The following RAB7B variants were observed in gnomAD, a reference collection of about 807,000 sequenced individuals.
RAB7B encodes RAB7B, member RAS oncogene family, also known as ras-related protein Rab-7b.
In RAB7B at chr1:205,976,903, G is replaced by A. The variant is rs1357992957; in HGVS notation, c.*1948C>T. 6.6e-6 allele frequency: 1 copy of A among 152,154 alleles called. No individual in the cohort carries two copies. Among genetic ancestry groups the A allele is most frequent in the Non-Finnish European group, 1.5e-5 (1 of 68,028 alleles). The allele number at this position is 152,154 out of a possible 1,614,324, so 9.4% of individuals were successfully genotyped here. A position where few individuals can be genotyped will look rare whatever the true frequency, so the allele number is the denominator to read the frequency against. On this transcript the variant is annotated 3_prime_UTR_variant, in exon 6 of 6. Coordinates refer to ENST00000617070, the MANE Select transcript of RAB7B (RefSeq NM_001164522.3). ...ATATGCAAAATGCCATTCCCATGAG[G>A]GCGCATCATGTTTCCCAGGAGCTCT...
chr1:205,985,952 A>G (rs1476269982), intron 4 of RAB7B, among the ~76,000 whole-genome samples: 1 of 152,082 alleles, frequency 6.6e-6, no homozygotes, highest in Non-Finnish European at 1.5e-5. Context: ...AGGCCTGGAG[A>G]AAAAAAACTT....
At chr1:206,003,103 G>A (rs1411563807) in intron 1 of RAB7B, 150 bp downstream of exon 1, 11 of 152,236 alleles carry the variant, frequency 7.2e-5, no homozygotes, top group Non-Finnish European at 1.3e-4. Context: ...CCAGGGTGGG[G>A]TCTTAGGGCT....
intron 4 of RAB7B, among the ~76,000 whole-genome samples, chr1:205,990,717 G>A (rs887498497): frequency 2.4e-4 from 36 of 152,104 alleles, no homozygotes; most frequent in African/African-American, 8.0e-4. Flanking sequence ...AGGACCCACA[G>A]GAGTGACCCA....
chr1:205,991,325 A>G lies in RAB7B; in HGVS notation c.396+1155T>C, dbSNP rs1278290886. Among the ~76,000 whole-genome samples the G allele has an allele frequency of 2.0e-5, 3 of 152,264 alleles. No individual in the cohort carries two copies. The East Asian group carries it at 5.8e-4, about 29-fold the overall frequency. On this transcript the variant is annotated intron_variant, in intron 4 of 5. Coordinates refer to ENST00000617070, the MANE Select transcript of RAB7B (RefSeq NM_001164522.3). Reference sequence around the variant, plus strand: ...CACCTTGCCTTTGAATGAACTTAGGACTTTGCTTATTATCTGAGGCTGGAT... The same window carrying G: ...CACCTTGCCTTTGAATGAACTTAGGGCTTTGCTTATTATCTGAGGCTGGAT...
chr1:205,996,752 G>A (rs1660817889), intron 1 of RAB7B, among the ~76,000 whole-genome samples: 1 of 152,166 alleles, frequency 6.6e-6, no homozygotes, highest in African/African-American at 2.4e-5. Context: ...CGCATGGCTG[G>A]GGAGGCCTCA....
chr1:205,991,243 C>T (rs1036541904), intron 4 of RAB7B, among the ~76,000 whole-genome samples: 7 of 152,212 alleles, frequency 4.6e-5, no homozygotes, highest in Admixed American at 2.6e-4. Context: ...CCTATTCCCT[C>T]TCTTAGACCA....
chr1:205,988,515 G>T (rs996796809), intron 4 of RAB7B, among the ~76,000 whole-genome samples: 1 of 152,202 alleles, frequency 6.6e-6, no homozygotes, highest in Admixed American at 6.5e-5. Flanking sequence ...GATTACAGGC[G>T]TGAGCCACTG....
rs2102633803 is a variant in RAB7B at position 205,985,612 on chromosome 1, A to G, written c.450T>C (p.Phe150=). The G allele has an allele frequency of 2.5e-6, 1 of 399,156 alleles. No homozygotes were observed. The highest frequency in any genetic ancestry group is 4.4e-5 in the Admixed American group (1 of 22,756). The allele number at this position is 399,156 out of a possible 1,614,324, so 24.7% of individuals were successfully genotyped here. A position where few individuals can be genotyped will look rare whatever the true frequency, so the allele number is the denominator to read the frequency against. Residue 150 remains phenylalanine (F), a synonymous_variant, in exon 5 of 6, where the codon TTT becomes TTC. Coordinates refer to ENST00000617070, the MANE Select transcript of RAB7B (RefSeq NM_001164522.3). Reference sequence around the variant, plus strand: ...TGATGTCATTCTTGGCACTGACTTCAAAGTAAGGAATATCTTTCTCTCTAC... The same window carrying G: ...TGATGTCATTCTTGGCACTGACTTCGAAGTAAGGAATATCTTTCTCTCTAC... ...GWCREKDIPY[F]EVSAKNDINV...
At chr1:205,988,564 C>T (rs1660658909) in intron 4 of RAB7B, among the ~76,000 whole-genome samples, 1 of 152,180 alleles carries the variant, frequency 6.6e-6, no homozygotes, top group Admixed American at 6.5e-5. Flanking sequence ...TCATTTTCTT[C>T]TTATTAGGTA....
intron 1 of RAB7B, among the ~76,000 whole-genome samples, chr1:205,998,619 C>T (rs1419875332): frequency 1.3e-5 from 2 of 152,286 alleles, no homozygotes; most frequent in African/African-American, 4.8e-5. Flanking sequence ...GGGTCAGAGA[C>T]GCGGCATGCT....
At chr1:205,988,909 T>C (rs1433308235) in intron 4 of RAB7B, among the ~76,000 whole-genome samples, 1 of 152,134 alleles carries the variant, frequency 6.6e-6, no homozygotes, top group African/African-American at 2.4e-5. Context: ...GTAAGGACAT[T>C]TGAGGGCCGG....
chr1:205,977,301 G>C lies in RAB7B; in HGVS notation c.*1550C>G, dbSNP rs962795160. ...AGATTCCAGCCTTGGAATCTGCAGG[G>C]AGGGAGACTCCTTGCAGTGAGCTTT... On this transcript the variant is annotated 3_prime_UTR_variant, in exon 6 of 6. Transcript: ENST00000617070. 26 of 152,198 alleles carry C rather than the reference G, an allele frequency of 1.7e-4. No individual in the cohort carries two copies. Among genetic ancestry groups the C allele is most frequent in the Middle Eastern group, 3.2e-3 (1 of 316 alleles). The allele number at this position is 152,198 out of a possible 1,614,324, so 9.4% of individuals were successfully genotyped here. A position where few individuals can be genotyped will look rare whatever the true frequency, so the allele number is the denominator to read the frequency against.
intron 5 of RAB7B, chr1:205,983,784 A>AT (rs1421589602): frequency 6.9e-6 from 1 of 144,548 alleles, no homozygotes; most frequent in Non-Finnish European, 1.5e-5. Context: ...AAAGGGTGTT[A>AT]TAAAAAAAAT....
intron 4 of RAB7B, among the ~76,000 whole-genome samples, chr1:205,986,173 T>C (rs1031266872): frequency 6.6e-6 from 1 of 152,208 alleles, no homozygotes; most frequent in South Asian, 2.1e-4. Flanking sequence ...CTAAGCAGGC[T>C]CACACTCAGG....
intron 5 of RAB7B, among the ~76,000 whole-genome samples, chr1:205,979,953 G>A (rs1660458340): frequency 6.6e-6 from 1 of 152,188 alleles, no homozygotes; most frequent in African/African-American, 2.4e-5. Flanking sequence ...CCCAGCTGGT[G>A]AATATCCACC....
intron 4 of RAB7B, among the ~76,000 whole-genome samples, chr1:205,987,455 A>G (rs1660631094): frequency 1.3e-5 from 2 of 152,214 alleles, no homozygotes; most frequent in South Asian, 4.1e-4. Context: ...ACATTTGACA[A>G]AATTAGTCCA....
At chr1:205,995,743 T>C (rs1403021818) in intron 1 of RAB7B, among the ~76,000 whole-genome samples, 2 of 152,084 alleles carry the variant, frequency 1.3e-5, no homozygotes, top group Admixed American at 6.5e-5. Context: ...GGGTGGGCAG[T>C]TGGGGAGATG....
intron 5 of RAB7B, among the ~76,000 whole-genome samples, chr1:205,981,168 TG>T (rs1282819172): frequency 6.6e-6 from 1 of 152,156 alleles, no homozygotes; most frequent in African/African-American, 2.4e-5. Context: ...CCCAAAATGC[TG>T]GGATTACAGG....
intron 5 of RAB7B, among the ~76,000 whole-genome samples, chr1:205,985,297 T>C (rs1462071135): frequency 2.0e-5 from 3 of 152,106 alleles, no homozygotes; most frequent in African/African-American, 7.2e-5. Context: ...AGGGATTTGG[T>C]TAGTTAGCTG....
Sources: allele counts gnomAD v4.1 joint callset (sites outside exome capture counted in the v4.1 genomes callset), GRCh38; gene constraint gnomAD v4.1.1; transcripts MANE v1.5; gene names NCBI Gene and HGNC (gene_info 2026-07-23, HGNC 2026-07-21).